The following PRKCE variants were observed in gnomAD, a reference collection of about 807,000 sequenced individuals.
The protein encoded by PRKCE is protein kinase C epsilon type.
PRKCE carries 16 observed loss-of-function variants against 85.4 expected under a neutral mutation model. The ratio of observed to expected loss-of-function variants is 0.19; its 90% confidence interval spans 0.13 to 0.28. The LOEUF is 0.28. Among genes scored for constraint, PRKCE ranks in the 10% least tolerant of loss-of-function variants. The pLI is 1.00. For synonymous variants in PRKCE, 388 were observed against 371.5 expected, an observed-to-expected ratio of 1.04 and a Z score of -0.51; for missense variants, 573 against 975.2, an observed-to-expected ratio of 0.59 and a Z score of 5.49.
intron 11 of PRKCE, among the ~76,000 whole-genome samples, chr2:46,133,165 T>C (rs778243818): frequency 6.6e-6 from 1 of 152,190 alleles, no homozygotes. Context: ...GGACCCGGTA[T>C]TGGGTTCTAC....
chr2:45,676,704 C>G (rs1487712712), intron 1 of PRKCE: 1 of 152,218 alleles, frequency 6.6e-6, no homozygotes, highest in Non-Finnish European at 1.5e-5. Flanking sequence ...AAGGAGGGAG[C>G]GAGTAAAGGC....
At chr2:46,144,150 G>A (rs1268916476) in intron 11 of PRKCE, among the ~76,000 whole-genome samples, 1 of 152,192 alleles carries the variant, frequency 6.6e-6, no homozygotes, top group Non-Finnish European at 1.5e-5. Context: ...CAGGCCCCAA[G>A]GGAGCTGCAC....
intron 1 of PRKCE, among the ~76,000 whole-genome samples, chr2:45,771,319 G>A (rs1027582157): frequency 4.6e-5 from 7 of 152,216 alleles, no homozygotes; most frequent in Non-Finnish European, 8.8e-5. Flanking sequence ...AGAGGCTCAC[G>A]TTAGGCAGAT....
At chr2:45,964,093 A>G (rs1701571333) in intron 2 of PRKCE, among the ~76,000 whole-genome samples, 1 of 152,198 alleles carries the variant, frequency 6.6e-6, no homozygotes, top group Non-Finnish European at 1.5e-5. Flanking sequence ...TTTTCAATAA[A>G]TAACCCCATA....
At chr2:45,726,344 G>C (rs1681069076) in intron 1 of PRKCE, among the ~76,000 whole-genome samples, 1 of 152,152 alleles carries the variant, frequency 6.6e-6, no homozygotes, top group Non-Finnish European at 1.5e-5. Context: ...CTTATTTTAA[G>C]AAATTGGCAT....
At chr2:46,135,466 G>A (rs886089799) in intron 11 of PRKCE, among the ~76,000 whole-genome samples, 1 of 152,168 alleles carries the variant, frequency 6.6e-6, no homozygotes, top group African/African-American at 2.4e-5. Flanking sequence ...CTAGCAGGTA[G>A]GGATAATAAC....
chr2:45,821,726 C>T (rs1689547261), intron 1 of PRKCE, among the ~76,000 whole-genome samples: 1 of 152,136 alleles, frequency 6.6e-6, no homozygotes, highest in South Asian at 2.1e-4. Context: ...ATGCAGGCCA[C>T]AGTACAGAAG....
At chr2:46,124,629 T>G (rs1673667564) in intron 11 of PRKCE, among the ~76,000 whole-genome samples, 1 of 152,224 alleles carries the variant, frequency 6.6e-6, no homozygotes, top group Admixed American at 6.5e-5. Flanking sequence ...GCTCTGCATT[T>G]ATGTTCACAC....
At chr2:45,993,550 GT>G (rs1277322286) in intron 6 of PRKCE, among the ~76,000 whole-genome samples, 1 of 152,214 alleles carries the variant, frequency 6.6e-6, no homozygotes, top group Non-Finnish European at 1.5e-5. Flanking sequence ...GCCAGCCCAA[GT>G]TGTTTTGTCA....
chr2:45,943,663 C>T (rs1700039442), intron 2 of PRKCE, among the ~76,000 whole-genome samples: 1 of 152,030 alleles, frequency 6.6e-6, no homozygotes, highest in Non-Finnish European at 1.5e-5. Context: ...GAGGAGGACA[C>T]AGAATATAAA....
At chr2:45,691,958 T>C (rs1222274305) in intron 1 of PRKCE, among the ~76,000 whole-genome samples, 1 of 152,264 alleles carries the variant, frequency 6.6e-6, no homozygotes, top group African/African-American at 2.4e-5. Flanking sequence ...CTACTGACTA[T>C]GTGTCCGTTG....
intron 2 of PRKCE, among the ~76,000 whole-genome samples, chr2:45,863,250 G>C (rs1693315003): frequency 6.6e-6 from 1 of 152,098 alleles, no homozygotes; most frequent in Admixed American, 6.5e-5. Context: ...CAGGAAAATG[G>C]AAGGTCTCAG....
chr2:46,113,293 G>C (rs530701751), intron 11 of PRKCE, among the ~76,000 whole-genome samples: 2 of 152,176 alleles, frequency 1.3e-5, no homozygotes, highest in Non-Finnish European at 2.9e-5. Flanking sequence ...GAACTCTAAA[G>C]TCAGACATCC....
At chr2:45,693,781 A>G (rs964225289) in intron 1 of PRKCE, among the ~76,000 whole-genome samples, 1 of 152,154 alleles carries the variant, frequency 6.6e-6, no homozygotes, top group Non-Finnish European at 1.5e-5. Flanking sequence ...GTGAGAAGGC[A>G]TGGACATCTG....
chr2:46,017,961 T>A (rs1279483291), intron 10 of PRKCE, among the ~76,000 whole-genome samples: 5 of 152,148 alleles, frequency 3.3e-5, no homozygotes, highest in African/African-American at 1.2e-4. Flanking sequence ...ATTCTCCACT[T>A]CAAATAGCCT....
In PRKCE at chr2:45,786,524, C is replaced by T. The variant is rs905732082; in HGVS notation, c.349-56476C>T. Among the ~76,000 whole-genome samples the T allele has an allele frequency of 1.3e-5, 2 of 152,236 alleles. No homozygotes were observed. Among genetic ancestry groups the T allele is most frequent in the Non-Finnish European group, 2.9e-5 (2 of 68,042 alleles). ...TTCCATCTGCACACTACCTAATTCA[C>T]TTCAACAAGACCTGAAGCAGACAGG... On this transcript the variant is annotated intron_variant, in intron 1 of 14. Coordinates refer to ENST00000306156, the MANE Select transcript of PRKCE (RefSeq NM_005400.3). This position sits in a 1 kb window ranked among gnomAD's most constrained non-coding sequence, Gnocchi z 5.3.
intron 2 of PRKCE, among the ~76,000 whole-genome samples, chr2:45,854,487 T>C (rs1337900186): frequency 6.6e-6 from 1 of 152,118 alleles, no homozygotes; most frequent in East Asian, 1.9e-4. Flanking sequence ...TGAGGTATAG[T>C]GGGAGGAATC....
chr2:46,169,715 C>T (rs1225919836), intron 14 of PRKCE, among the ~76,000 whole-genome samples: 1 of 152,190 alleles, frequency 6.6e-6, no homozygotes, highest in Non-Finnish European at 1.5e-5. Flanking sequence ...GCTGACATAT[C>T]AGCTAGTGTT....
chr2:45,705,810 C>T (rs1027077703), intron 1 of PRKCE, among the ~76,000 whole-genome samples: 2 of 152,198 alleles, frequency 1.3e-5, no homozygotes, highest in African/African-American at 4.8e-5. Flanking sequence ...TCAAATGCTG[C>T]TGACCTGATT....
Sources: allele counts gnomAD v4.1 joint callset (sites outside exome capture counted in the v4.1 genomes callset), GRCh38; gene constraint gnomAD v4.1.1; non-coding constraint Gnocchi (gnomAD v3.1); transcripts MANE v1.5; gene names NCBI Gene and HGNC (gene_info 2026-07-23, HGNC 2026-07-21).